The following PRKG1 variants were observed in gnomAD, a reference collection of about 807,000 sequenced individuals.
PRKG1 encodes cGMP-dependent protein kinase 1.
PRKG1 carries 35 observed loss-of-function variants against 88.1 expected under a neutral mutation model. That is an observed-to-expected ratio of 0.40 (90% CI 0.30 to 0.53). The LOEUF (loss-of-function observed/expected upper bound fraction) is 0.53. Among genes scored for constraint, PRKG1 ranks in the 20% least tolerant of loss-of-function variants. The probability of loss-of-function intolerance (pLI) is 0.59; values close to 1 mark genes in which losing one functional copy is unlikely to be tolerated. For synonymous variants in PRKG1, 303 were observed against 292.5 expected (o/e 1.04, Z -0.37); for missense variants, 540 against 839.8 (o/e 0.64, Z 4.41).
intron 9 of PRKG1, among the ~76,000 whole-genome samples, chr10:52,185,629 CT>C (rs999578888): frequency 6.6e-6 from 1 of 152,200 alleles, no homozygotes; most frequent in Admixed American, 6.5e-5. Flanking sequence ...TGTACTGCCC[CT>C]ATAGAAGTTA....
intron 2 of PRKG1, among the ~76,000 whole-genome samples, chr10:51,289,025 G>A (rs1403812900): frequency 6.6e-6 from 1 of 151,996 alleles, no homozygotes; most frequent in Non-Finnish European, 1.5e-5. Flanking sequence ...GAATGGAAAG[G>A]CTAGGAAAAT....
At chr10:51,152,377 A>G (rs1846094233) in intron 1 of PRKG1, among the ~76,000 whole-genome samples, 1 of 152,056 alleles carries the variant, frequency 6.6e-6, no homozygotes, top group Admixed American at 6.6e-5. Context: ...AGAAAGAAAT[A>G]TTCTCTAAAA....
chr10:51,907,464 G>C (rs767356057), intron 4 of PRKG1, 43 bp from the exon 5 acceptor site: 3 of 1,476,810 alleles, frequency 2.0e-6, no homozygotes, highest in Non-Finnish European at 2.8e-6. Context: ...ATGAAAGTAA[G>C]TTGTGGTTCA....
chr10:51,725,221 A>G, intron 3 of PRKG1, among the ~76,000 whole-genome samples: 1 of 152,182 alleles, frequency 6.6e-6, no homozygotes, highest in East Asian at 1.9e-4. Flanking sequence ...TATGGCAAAA[A>G]ATTCAGATGT....
At chr10:51,126,143 A>G (rs1460692400) in intron 1 of PRKG1, among the ~76,000 whole-genome samples, 1 of 118,002 alleles carries the variant, frequency 8.5e-6, no homozygotes, top group Non-Finnish European at 1.6e-5. Flanking sequence ...ATAATTATAT[A>G]TATTATATAA....
intron 2 of PRKG1, among the ~76,000 whole-genome samples, chr10:51,375,381 A>T (rs1209429043): frequency 1.3e-5 from 2 of 151,866 alleles, no homozygotes; most frequent in Non-Finnish European, 2.9e-5. Context: ...CAGAATGAGC[A>T]TCCTTATCTG....
At position 51,371,764 on chromosome 10, in the gene PRKG1, C is replaced by T. The variant is rs539414440; in HGVS notation, c.479-95959C>T. Among the ~76,000 whole-genome samples the T allele has an allele frequency of 4.7e-3, 723 of 152,274 alleles. 6 individuals carry two copies. Among genetic ancestry groups the T allele is most frequent in the African/African-American group, 0.017 (698 of 41,564 alleles). On this transcript the variant is annotated intron_variant, in intron 2 of 17. Coordinates refer to ENST00000373980, the MANE Select transcript of PRKG1 (RefSeq NM_006258.4). Reference sequence around the variant, plus strand: ...TGCTCAGGCTTTCCTCCTCAGTCACCATCATCAACCCCTTTCTTCTTTCTT... The same window carrying T: ...TGCTCAGGCTTTCCTCCTCAGTCACTATCATCAACCCCTTTCTTCTTTCTT...
At chr10:51,846,972 G>A (rs1031592550) in intron 4 of PRKG1, among the ~76,000 whole-genome samples, 5 of 152,100 alleles carry the variant, frequency 3.3e-5, no homozygotes, top group African/African-American at 1.2e-4. Context: ...TCTGAGTTCA[G>A]AGAGCATCTT....
intron 3 of PRKG1, among the ~76,000 whole-genome samples, chr10:51,754,238 A>G (rs1837800326): frequency 6.6e-6 from 1 of 152,022 alleles, no homozygotes; most frequent in South Asian, 2.1e-4. Context: ...ATTGATTTGG[A>G]TCTAGTCCTT....
chr10:51,587,268 G>A (rs186897067), intron 3 of PRKG1, among the ~76,000 whole-genome samples: 15 of 152,178 alleles, frequency 9.9e-5, no homozygotes, highest in Admixed American at 3.9e-4. Flanking sequence ...ATGGAAGAAA[G>A]AATAAAACTG....
chr10:51,698,591 G>T, intron 3 of PRKG1: 1 of 1,613,874 alleles, frequency 6.2e-7, no homozygotes. Flanking sequence ...ACCACCAGGA[G>T]TCACGGGTCC....
intron 9 of PRKG1, among the ~76,000 whole-genome samples, chr10:52,195,067 G>A (rs766387636): frequency 1.3e-5 from 2 of 152,060 alleles, no homozygotes; most frequent in Non-Finnish European, 2.9e-5. Flanking sequence ...ATGTTTAGAT[G>A]GTTTTGTGAT....
intron 3 of PRKG1, among the ~76,000 whole-genome samples, chr10:51,479,540 A>C (rs1840296463): frequency 6.6e-6 from 1 of 152,012 alleles, no homozygotes. Context: ...CTTATATGAT[A>C]ATATTAGTGT....
intron 2 of PRKG1, among the ~76,000 whole-genome samples, chr10:51,324,112 A>G (rs982006970): frequency 7.9e-5 from 12 of 152,174 alleles, no homozygotes; most frequent in Non-Finnish European, 1.2e-4. Flanking sequence ...GAATATTACA[A>G]TTCTTCTAGC....
At position 51,646,427 on chromosome 10, in the gene PRKG1, G is replaced by A. The variant is rs912029671; in HGVS notation, c.593-158158G>A. Among the ~76,000 whole-genome samples, 7 of 151,712 alleles carry A rather than the reference G, an allele frequency of 4.6e-5. No homozygotes were observed. The East Asian group carries it at 5.8e-4, about 13-fold the overall frequency. On this transcript the variant is annotated intron_variant, in intron 3 of 17. Transcript: ENST00000373980. ...TTTTTCATCTTTGTCCTTCCGCTTC[G>A]CATTTTTTTATCTTACATCATCATC...
intron 3 of PRKG1, 48 bp downstream of exon 3, chr10:51,467,884 A>G: frequency 7.0e-7 from 1 of 1,437,592 alleles, no homozygotes; most frequent in Non-Finnish European, 9.7e-7. Context: ...TCTTTTCCCT[A>G]GGCCTTTGAG....
At chr10:51,244,623 C>T (rs1170674280) in intron 2 of PRKG1, among the ~76,000 whole-genome samples, 1 of 151,990 alleles carries the variant, frequency 6.6e-6, no homozygotes, top group African/African-American at 2.4e-5. Flanking sequence ...TTTTTGTTTT[C>T]TTTCCTAACT....
chr10:51,843,634 C>T (rs574344348), intron 4 of PRKG1, among the ~76,000 whole-genome samples: 1 of 152,306 alleles, frequency 6.6e-6, no homozygotes, highest in Non-Finnish European at 1.5e-5. Flanking sequence ...CACTGCTGCA[C>T]AGGCATAGAA....
chr10:51,120,784 A>T (rs1278385619), intron 1 of PRKG1, among the ~76,000 whole-genome samples: 1 of 152,294 alleles, frequency 6.6e-6, no homozygotes, highest in Middle Eastern at 3.4e-3. Context: ...GCAAAGAGAC[A>T]TTGTATTAAT....
Sources: allele counts gnomAD v4.1 joint callset (sites outside exome capture counted in the v4.1 genomes callset), GRCh38; gene constraint gnomAD v4.1.1; transcripts MANE v1.5; gene names NCBI Gene and HGNC (gene_info 2026-07-23, HGNC 2026-07-21).